GTF2F2: variants seen among roughly 807,000 people sequenced by gnomAD.
GTF2F2 encodes general transcription factor IIF subunit 2.
In GTF2F2, 23 loss-of-function variants were observed where a neutral mutation model predicts 42.2. That is an observed-to-expected ratio of 0.55 (90% CI 0.39 to 0.77). GTF2F2 has a LOEUF of 0.77. Among genes scored for constraint, GTF2F2 ranks in the 30% least tolerant of loss-of-function variants. The pLI, the probability that GTF2F2 is intolerant of heterozygous loss-of-function variation, is 0.00. For synonymous variants in GTF2F2, 105 were observed against 100.8 expected, an observed-to-expected ratio of 1.04 and a Z score of -0.25; for missense variants, 261 against 287.2, an observed-to-expected ratio of 0.91 and a Z score of 0.66.
intron 7 of GTF2F2, among the ~76,000 whole-genome samples, chr13:45,279,731 C>G (rs528849117): frequency 7.4e-4 from 113 of 152,236 alleles, no homozygotes; most frequent in African/African-American, 2.5e-3. Flanking sequence ...CATGGAGAAA[C>G]TCCGTCTCTC....
intron 7 of GTF2F2, among the ~76,000 whole-genome samples, chr13:45,275,748 T>C (rs1877006793): frequency 1.3e-5 from 2 of 152,142 alleles, no homozygotes; most frequent in African/African-American, 4.8e-5. Context: ...TTGTGAATAG[T>C]GCTGCAGTAA....
Position 45,136,781 on chromosome 13 carries a change from G to A in GTF2F2, c.115G>A (p.Glu39Lys). ...ATGGGCTAAAGCCTCTGGAAGAGGT[G>A]AAGTTGGGAAACTGCGGATTGCCAA... Reference protein sequence around the residue: ...QQWAKASGRGEVGKLRIAKTQ... With the variant: ...QQWAKASGRGKVGKLRIAKTQ... The change falls in exon 2 of 8, where the codon GAA becomes AAA. Residue 39 changes from glutamate (E) to lysine (K), a missense_variant. Transcript: ENST00000340473. The A allele has an allele frequency of 6.3e-7, 1 of 1,597,912 alleles. No individual in the cohort carries two copies. The highest frequency in any genetic ancestry group is 8.6e-7 in the Non-Finnish European group (1 of 1,165,948).
chr13:45,220,482 T>C (rs1409566280), intron 5 of GTF2F2, among the ~76,000 whole-genome samples: 4 of 152,038 alleles, frequency 2.6e-5, no homozygotes, highest in African/African-American at 9.7e-5. Flanking sequence ...GAAGTCAAAC[T>C]TCATCATATA....
rs187666456 is a variant in GTF2F2 at position 45,268,564 on chromosome 13, C to T, written c.630+1188C>T. Among the ~76,000 whole-genome samples the T allele has an allele frequency of 2.2e-3, 331 of 152,192 alleles. 1 individual carries two copies. The highest frequency in any genetic ancestry group is 7.7e-3 in the African/African-American group (320 of 41,538). On this transcript the variant is annotated intron_variant, in intron 7 of 7. Transcript: ENST00000340473. ...CCAATGACTTCACTCCCTTTGGCAT[C>T]AAAGCCTTAGAAACAGCATTCTAAG...
At chr13:45,252,608 G>A (rs1875924008) in intron 5 of GTF2F2, among the ~76,000 whole-genome samples, 1 of 152,058 alleles carries the variant, frequency 6.6e-6, no homozygotes, top group South Asian at 2.1e-4. Context: ...GGTTTTAGTG[G>A]TTAAGATTTG....
At chr13:45,242,122 G>T (rs1226895423) in intron 5 of GTF2F2, among the ~76,000 whole-genome samples, 1 of 151,986 alleles carries the variant, frequency 6.6e-6, no homozygotes, top group African/African-American at 2.4e-5. Context: ...TCCTATAAAG[G>T]TGCTGTTTTA....
intron 3 of GTF2F2, among the ~76,000 whole-genome samples, chr13:45,150,301 C>A (rs1014518641): frequency 1.3e-5 from 2 of 152,100 alleles, no homozygotes; most frequent in Non-Finnish European, 2.9e-5. Flanking sequence ...TTTGAAAGAA[C>A]ACCTAGTATG....
chr13:45,139,203 G>C (rs1288921930), intron 2 of GTF2F2, among the ~76,000 whole-genome samples: 2 of 152,192 alleles, frequency 1.3e-5, no homozygotes, highest in Non-Finnish European at 2.9e-5. Flanking sequence ...CAGCTGAGGA[G>C]AAACAGCAAG....
At chr13:45,128,895 A>G (rs1869191474) in intron 1 of GTF2F2, among the ~76,000 whole-genome samples, 1 of 151,776 alleles carries the variant, frequency 6.6e-6, no homozygotes. Flanking sequence ...GCCCGACACA[A>G]TGTTTTTAAG....
At chr13:45,276,562 A>G (rs146465764) in intron 7 of GTF2F2, among the ~76,000 whole-genome samples, 11,911 of 151,538 alleles carry the variant, frequency 0.079, 1,128 homozygotes, top group African/African-American at 0.23. Flanking sequence ...TCAGCTTCCC[A>G]AGTAGCTGGG....
intron 7 of GTF2F2, among the ~76,000 whole-genome samples, chr13:45,274,408 C>T (rs776272234): frequency 2.1e-5 from 3 of 143,516 alleles, no homozygotes; most frequent in Non-Finnish European, 1.5e-5. Flanking sequence ...CTCACTGCAA[C>T]GTCCGCCTCC....
At chr13:45,282,141 A>G (rs1033430030) in intron 7 of GTF2F2, among the ~76,000 whole-genome samples, 1 of 152,054 alleles carries the variant, frequency 6.6e-6, no homozygotes, top group Non-Finnish European at 1.5e-5. Context: ...GAGGTTGCAG[A>G]GAGCCGAGAT....
chr13:45,261,666 A>G (rs1414307674), intron 6 of GTF2F2, among the ~76,000 whole-genome samples: 1 of 152,216 alleles, frequency 6.6e-6, no homozygotes, highest in Non-Finnish European at 1.5e-5. Context: ...GGCTGCCAAC[A>G]AGTTAGATAT....
chr13:45,162,416 C>G (rs547641941), intron 4 of GTF2F2, among the ~76,000 whole-genome samples: 1 of 152,214 alleles, frequency 6.6e-6, no homozygotes, highest in South Asian at 2.1e-4. Flanking sequence ...CAGCTTCTGA[C>G]AATCTTATAC....
intron 5 of GTF2F2, among the ~76,000 whole-genome samples, chr13:45,233,237 G>A (rs897036129): frequency 1.3e-5 from 2 of 152,080 alleles, no homozygotes; most frequent in Non-Finnish European, 1.5e-5. Context: ...GGGCAGCATC[G>A]TGAGACCCCA....
chr13:45,220,134 T>C (rs947825927), intron 5 of GTF2F2, among the ~76,000 whole-genome samples: 1 of 152,210 alleles, frequency 6.6e-6, no homozygotes, highest in African/African-American at 2.4e-5. Context: ...AAGAAAGGAA[T>C]GAAAAGCATG....
At chr13:45,181,660 A>G (rs982397951) in intron 4 of GTF2F2, among the ~76,000 whole-genome samples, 9 of 152,134 alleles carry the variant, frequency 5.9e-5, no homozygotes, top group African/African-American at 1.7e-4. Flanking sequence ...AGTGATCTTC[A>G]TATTTCGGCT....
intron 2 of GTF2F2, among the ~76,000 whole-genome samples, chr13:45,146,736 G>C (rs1460685865): frequency 6.6e-6 from 1 of 152,180 alleles, no homozygotes; most frequent in Non-Finnish European, 1.5e-5. Flanking sequence ...TTGAGAAATA[G>C]ACTCAGAGTA....
At chr13:45,253,674 C>T (rs1875968958) in intron 6 of GTF2F2, among the ~76,000 whole-genome samples, 1 of 152,202 alleles carries the variant, frequency 6.6e-6, no homozygotes, top group South Asian at 2.1e-4. Context: ...TCCATCCCAT[C>T]CATGATGTGA....
Sources: allele counts gnomAD v4.1 joint callset (sites outside exome capture counted in the v4.1 genomes callset), GRCh38; gene constraint gnomAD v4.1.1; transcripts MANE v1.5; gene names NCBI Gene and HGNC (gene_info 2026-07-23, HGNC 2026-07-21).